The following PPME1 variants were observed in gnomAD, a reference collection of about 807,000 sequenced individuals.
PPME1 encodes the protein protein phosphatase methylesterase 1.
A neutral mutation model predicts 56.9 loss-of-function variants in PPME1; 17 were observed. The ratio of observed to expected loss-of-function variants is 0.30; its 90% CI spans 0.20 to 0.45. The LOEUF (loss-of-function observed/expected upper bound fraction) is 0.45. PPME1 is among the 20% of genes least tolerant of loss of function. The probability of loss-of-function intolerance (pLI) is 1.00; values close to 1 mark genes in which losing one functional copy is unlikely to be tolerated. For missense variants in PPME1, 357 were observed against 483.2 expected, an observed-to-expected ratio of 0.74 and a Z score of 2.45; for synonymous variants, 122 against 156.2, an observed-to-expected ratio of 0.78 and a Z score of 1.63.
chr11:74,242,204 C>G (rs1276060886), intron 9 of PPME1, among the ~76,000 whole-genome samples: 1 of 152,194 alleles, frequency 6.6e-6, no homozygotes, highest in East Asian at 1.9e-4. Flanking sequence ...CAATAAACAG[C>G]CTGTCCCAGC....
rs1457963206 is a variant in PPME1, at chr11:74,222,353, G to A, written c.330G>A (p.Leu110=). ...ISRVQCRIVA[L]DLRSHGETKV... ...GAGTTCAGTGTAGGATTGTAGCTTT[G>A]GATCTGCGAAGTCATGGTGAGTAAA... is the stretch of plus-strand genomic sequence containing the variant. The change falls in exon 4 of 14, where the codon TTG becomes TTA. Residue 110 remains leucine (L), a synonymous_variant. Transcript: ENST00000328257. 1.9e-6 allele frequency: 3 copies of A among 1,611,364 alleles called. No individual in the cohort carries two copies. The highest frequency in any genetic ancestry group is 2.2e-5 in the East Asian group (1 of 44,854).
chr11:74,219,903 G>T (rs956714450), intron 3 of PPME1, among the ~76,000 whole-genome samples: 1 of 152,050 alleles, frequency 6.6e-6, no homozygotes, highest in South Asian at 2.1e-4. Flanking sequence ...AGCTAAAAGG[G>T]TATAGTTAGA....
chr11:74,219,526 TGTG>T (rs768031307), intron 3 of PPME1, among the ~76,000 whole-genome samples: 11 of 152,070 alleles, frequency 7.2e-5, no homozygotes, highest in African/African-American at 1.9e-4. Flanking sequence ...ATAAGGAAAA[TGTG>T]GTACATATAC....
At chr11:74,235,688 A>G (rs569241898) in intron 7 of PPME1, 2 of 657,330 alleles carry the variant, frequency 3.0e-6, no homozygotes, top group African/African-American at 3.7e-5. Context: ...AAATATCTGC[A>G]GAACTGAAAT....
intron 11 of PPME1, chr11:74,249,879 G>A (rs1406648950): frequency 6.6e-6 from 1 of 152,298 alleles, no homozygotes; most frequent in Admixed American, 6.5e-5. Flanking sequence ...GAGAGAGGCA[G>A]CTTACTGCAG....
intron 3 of PPME1, among the ~76,000 whole-genome samples, chr11:74,212,007 C>T (rs545815852): frequency 6.6e-5 from 10 of 152,240 alleles, no homozygotes; most frequent in African/African-American, 2.4e-4. Flanking sequence ...AACAAATGTC[C>T]ACACAAAAAA....
At chr11:74,253,192 T>A (rs1173919676) in intron 13 of PPME1, among the ~76,000 whole-genome samples, 1 of 152,162 alleles carries the variant, frequency 6.6e-6, no homozygotes, top group Non-Finnish European at 1.5e-5. Context: ...GCGACACCCC[T>A]ATGCTGAGCC....
At chr11:74,222,440 T>TCAA in intron 4 of PPME1, 71 bp downstream of exon 4, 2 of 1,345,940 alleles carry the variant, frequency 1.5e-6, no homozygotes, top group Non-Finnish European at 2.1e-6. Context: ...TTGTAACTAT[T>TCAA]AGAAATTTCA....
chr11:74,241,350 A>T (rs1859355525), intron 9 of PPME1, among the ~76,000 whole-genome samples: 5 of 152,208 alleles, frequency 3.3e-5, no homozygotes, highest in Admixed American at 2.0e-4. Flanking sequence ...ATAATGTGAC[A>T]TTGTATGGCT....
At chr11:74,252,192 C>T (rs1279992112) in intron 13 of PPME1, among the ~76,000 whole-genome samples, 3 of 149,944 alleles carry the variant, frequency 2.0e-5, no homozygotes, top group Admixed American at 6.6e-5. Context: ...CTCAGTCTCC[C>T]GAGTAGCTGG....
chr11:74,200,815 G>A (rs1009301772), intron 1 of PPME1, among the ~76,000 whole-genome samples: 4 of 151,824 alleles, frequency 2.6e-5, no homozygotes, highest in African/African-American at 7.3e-5. Context: ...AAATAAGTTG[G>A]GTAGTCCCTG....
At chr11:74,225,358 TA>T in intron 5 of PPME1, 102 bp downstream of exon 5, 2 of 855,456 alleles carry the variant, frequency 2.3e-6, no homozygotes, top group South Asian at 4.3e-5. Context: ...GGGGAATAAT[TA>T]CCACAAGGAA....
intron 3 of PPME1, among the ~76,000 whole-genome samples, chr11:74,220,861 C>G (rs1274486903): frequency 6.6e-6 from 1 of 152,138 alleles, no homozygotes; most frequent in African/African-American, 2.4e-5. Context: ...GGAGTAGCTA[C>G]CATAGATCTG....
At chr11:74,199,242 C>G (rs1185493765) in intron 1 of PPME1, among the ~76,000 whole-genome samples, 1 of 152,158 alleles carries the variant, frequency 6.6e-6, no homozygotes, top group Non-Finnish European at 1.5e-5. Context: ...TGGAAGTAAT[C>G]TTTCTTTCCT....
At chr11:74,242,274 A>G (rs988987446) in intron 9 of PPME1, among the ~76,000 whole-genome samples, 3 of 152,174 alleles carry the variant, frequency 2.0e-5, no homozygotes, top group Non-Finnish European at 2.9e-5. Context: ...TTTGCTGAAA[A>G]TCAATTGACT....
intron 13 of PPME1, chr11:74,252,598 AT>A (rs1859731671): frequency 4.4e-6 from 2 of 451,806 alleles, no homozygotes; most frequent in Non-Finnish European, 8.9e-6. Context: ...TTTGAGGTGG[AT>A]AATTCTTCAT....
chr11:74,188,111 A>C (rs917665231), intron 1 of PPME1, among the ~76,000 whole-genome samples: 3 of 151,684 alleles, frequency 2.0e-5, no homozygotes, highest in African/African-American at 7.3e-5. Context: ...CATTGCTACT[A>C]TTCTGGTTAT....
chr11:74,198,098 C>A (rs1248883769), intron 1 of PPME1, among the ~76,000 whole-genome samples: 1 of 152,088 alleles, frequency 6.6e-6, no homozygotes, highest in Admixed American at 6.6e-5. Context: ...TATACAGTTA[C>A]CTACCAGAGT....
At chr11:74,176,107 T>C (rs1857394824) in intron 1 of PPME1, among the ~76,000 whole-genome samples, 4 of 152,230 alleles carry the variant, frequency 2.6e-5, no homozygotes, top group Admixed American at 1.3e-4. Flanking sequence ...GCACTTATAG[T>C]TCCTGACACT....
Sources: gnomAD v4.1 joint callset for allele counts (sites outside exome capture counted in the v4.1 genomes callset) on GRCh38, gnomAD v4.1.1 for gene constraint, MANE v1.5 for transcripts, NCBI Gene and HGNC (gene_info 2026-07-23, HGNC 2026-07-21) for gene names.